The following CAMSAP2 variants were observed in gnomAD, a reference collection of about 807,000 sequenced individuals.
CAMSAP2 encodes the protein calmodulin-regulated spectrin-associated protein 2.
A neutral mutation model predicts 146.1 loss-of-function variants in CAMSAP2; 26 were observed. The observed-to-expected ratio is 0.18, with a 90% CI of 0.13 to 0.25. CAMSAP2 has a LOEUF of 0.25. CAMSAP2 is among the 10% of genes least tolerant of loss of function. CAMSAP2 has a pLI of 1.00. For missense variants in CAMSAP2, 1,381 were observed against 1,759.3 expected, an observed-to-expected ratio of 0.78 and a Z score of 3.85; for synonymous variants, 499 against 596.6, an observed-to-expected ratio of 0.84 and a Z score of 2.38.
intron 13 of CAMSAP2, among the ~76,000 whole-genome samples, chr1:200,854,083 G>C (rs1667690025): frequency 6.6e-6 from 1 of 152,128 alleles, no homozygotes; most frequent in South Asian, 2.1e-4. Context: ...GGGTTCAGGT[G>C]ATCCTCCCAC....
chr1:200,857,962 C>T lies in CAMSAP2; in HGVS notation c.4340C>T (p.Thr1447Ile). ...RKQFSHIPAK[T>I]LSASVDAITI... is the part of the protein sequence containing the mutation. ...CAGTTTAGCCACATACCCGCTAAAACTTTATCTGCCAGTGTTGATGCAATT... is the reference window on the plus strand; with the variant it reads ...CAGTTTAGCCACATACCCGCTAAAATTTTATCTGCCAGTGTTGATGCAATT... Residue 1447 changes from threonine to isoleucine, a missense_variant, in exon 17 of 17, where the codon ACT becomes ATT. Physicochemically the swap from Thr to Ile is moderately conservative, Grantham distance 89 (BLOSUM62 -1). This residue lies in a region of CAMSAP2 where 90 missense variants were observed against 174.4 expected (regional missense o/e 0.52). Transcript: ENST00000358823. The surrounding 1 kb of genome is among the most constrained non-coding windows in gnomAD (Gnocchi z 4.7). The T allele has an allele frequency of 6.2e-7, 1 of 1,613,878 alleles. No individual in the cohort carries two copies. Among genetic ancestry groups the T allele is most frequent in the Non-Finnish European group, 8.5e-7 (1 of 1,179,824 alleles).
chr1:200,768,202 A>G (rs901149950), intron 2 of CAMSAP2, among the ~76,000 whole-genome samples: 5 of 152,228 alleles, frequency 3.3e-5, no homozygotes, highest in African/African-American at 1.2e-4. Context: ...ACTCTGTACT[A>G]CACTTCAACT....
chr1:200,814,143 T>TGGGCGGGGGGGAGGGGA (rs1666412988), intron 3 of CAMSAP2, among the ~76,000 whole-genome samples: 2 of 8,616 alleles, frequency 2.3e-4, no homozygotes, highest in East Asian at 5.4e-3. Flanking sequence ...GGGGGAGGGG[T>TGGGCGGGGGGGAGGGGA]GGGCGGGTGG....
chr1:200,791,186 C>T (rs1412755358), intron 2 of CAMSAP2, among the ~76,000 whole-genome samples: 3 of 152,166 alleles, frequency 2.0e-5, no homozygotes, highest in Non-Finnish European at 2.9e-5. Flanking sequence ...GAGTAAGATG[C>T]ATTCTGTGTC....
chr1:200,817,179 C>T (rs1380878220), intron 4 of CAMSAP2, among the ~76,000 whole-genome samples: 99 of 61,092 alleles, frequency 1.6e-3, no homozygotes, highest in African/African-American at 8.5e-3. Flanking sequence ...TGTGTATATA[C>T]ACACACACAC....
chr1:200,745,571 T>C (rs1041202269), intron 1 of CAMSAP2, among the ~76,000 whole-genome samples: 6 of 152,168 alleles, frequency 3.9e-5, no homozygotes, highest in Admixed American at 2.0e-4. Flanking sequence ...TTGTAAGAGG[T>C]GGAAACAAAA....
chr1:200,854,754 T>C (rs1667706297), intron 13 of CAMSAP2, 63 bp from the exon 14 acceptor site: 2 of 1,237,442 alleles, frequency 1.6e-6, no homozygotes, highest in Admixed American at 2.0e-5. Flanking sequence ...CTTTGCTAGT[T>C]GCTCCTTTTA....
intron 3 of CAMSAP2, among the ~76,000 whole-genome samples, chr1:200,813,427 C>A (rs1353964435): frequency 6.6e-6 from 1 of 152,206 alleles, no homozygotes; most frequent in Non-Finnish European, 1.5e-5. Flanking sequence ...TCTTCCTGCT[C>A]CCATTATTTT....
intron 9 of CAMSAP2, 33 bp from the exon 10 acceptor site, chr1:200,847,607 A>T (rs1328764373): frequency 6.4e-7 from 1 of 1,560,570 alleles, no homozygotes; most frequent in South Asian, 1.1e-5. Flanking sequence ...TTTTTACATG[A>T]TTTCAATGGC....
chr1:200,814,483 G>GC (rs1289544582), intron 3 of CAMSAP2, among the ~76,000 whole-genome samples: 1 of 151,582 alleles, frequency 6.6e-6, no homozygotes, highest in Non-Finnish European at 1.5e-5. Flanking sequence ...GATGGCGGGC[G>GC]CCTGTAATCC....
At chr1:200,757,688 C>T (rs556559671) in intron 1 of CAMSAP2, among the ~76,000 whole-genome samples, 1 of 152,044 alleles carries the variant, frequency 6.6e-6, no homozygotes, top group African/African-American at 2.4e-5. Flanking sequence ...GAAGTCTTCT[C>T]TTAAGTATAT....
intron 4 of CAMSAP2, among the ~76,000 whole-genome samples, chr1:200,831,630 G>GTTTT (rs546429195): frequency 1.4e-5 from 2 of 139,406 alleles, no homozygotes; most frequent in African/African-American, 5.2e-5. Flanking sequence ...AGTTGGAAGG[G>GTTTT]TTTTTTTTTT....
In CAMSAP2 at chr1:200,854,897, T is replaced by A; in HGVS notation, c.3896+8T>A. On this transcript the variant is annotated splice_region_variant and intron_variant, in intron 14 of 16. Transcript: ENST00000358823. ...AGGCAAGAGGACGCCAAGGTAAATCTATAACGTATGAATATTTTTACAGAA... is the reference window on the plus strand; with the variant it reads ...AGGCAAGAGGACGCCAAGGTAAATCAATAACGTATGAATATTTTTACAGAA... 1 of 1,594,034 alleles carries A rather than the reference T, an allele frequency of 6.3e-7. No homozygotes were observed. The highest frequency in any genetic ancestry group is 8.6e-7 in the Non-Finnish European group (1 of 1,166,086).
chr1:200,743,091 G>A (rs547330048), intron 1 of CAMSAP2, among the ~76,000 whole-genome samples: 4 of 152,322 alleles, frequency 2.6e-5, no homozygotes, highest in Non-Finnish European at 5.9e-5. Context: ...AAAGGAGGAA[G>A]TAGTTCAACT....
chr1:200,831,830 G>A (rs1667051610), intron 4 of CAMSAP2, among the ~76,000 whole-genome samples: 1 of 151,846 alleles, frequency 6.6e-6, no homozygotes, highest in Non-Finnish European at 1.5e-5. Context: ...AGAATTTTCA[G>A]TTTAAATTAA....
In CAMSAP2 at chr1:200,828,437, A is replaced by G. The variant is rs549020457; in HGVS notation, c.646-3763A>G. 7 of 753,586 alleles carry G rather than the reference A, an allele frequency of 9.3e-6. No individual in the cohort carries two copies. In the Admixed American group the frequency reaches 1.7e-4, roughly 18 times the overall value. 46.7% of individuals were successfully genotyped at this position (753,586 alleles called of 1,614,324 possible). A position where few individuals can be genotyped will look rare whatever the true frequency, so the allele number is the denominator to read the frequency against. On this transcript the variant is annotated intron_variant, in intron 4 of 16. Coordinates refer to ENST00000358823, the MANE Select transcript of CAMSAP2 (RefSeq NM_203459.4). ...TTTTAACTAAAATATTTATTAACAT[A>G]TGAAATGTTATGAGAACTATAAACT...
In CAMSAP2 at chr1:200,848,241, A is replaced by G; in HGVS notation, c.1472A>G (p.Asn491Ser). 6.2e-7 allele frequency: 1 copy of G among 1,613,674 alleles called. No individual in the cohort carries two copies. The highest frequency in any genetic ancestry group is 8.5e-7 in the Non-Finnish European group (1 of 1,179,766). The change falls in exon 11 of 17, where the codon AAT becomes AGT. Residue 491 changes from asparagine (N) to serine (S), a missense_variant. Physicochemically the swap from Asn to Ser is conservative, Grantham distance 46 (BLOSUM62 1). Transcript: ENST00000358823. ...EEAESIEEEL[N>S]IDSHSDLKSC... is the part of the protein sequence containing the mutation. ...GCAGAGAGCATTGAAGAAGAACTTAATATAGATTCTCACAGTGACCTCAAA... is the reference window on the plus strand; with the variant it reads ...GCAGAGAGCATTGAAGAAGAACTTAGTATAGATTCTCACAGTGACCTCAAA...
intron 2 of CAMSAP2, among the ~76,000 whole-genome samples, chr1:200,796,349 G>A (rs958760936): frequency 2.0e-5 from 3 of 152,112 alleles, no homozygotes; most frequent in Middle Eastern, 3.2e-3. Flanking sequence ...TACCAGTACC[G>A]TATTGTGTTG....
At chr1:200,799,079 A>T (rs1431862144) in intron 2 of CAMSAP2, among the ~76,000 whole-genome samples, 1 of 152,136 alleles carries the variant, frequency 6.6e-6, no homozygotes, top group Non-Finnish European at 1.5e-5. Flanking sequence ...CCAGTGTTTT[A>T]TTGAGGGTTT....
Sources: gnomAD v4.1 joint callset for allele counts (sites outside exome capture counted in the v4.1 genomes callset) on GRCh38, gnomAD v4.1.1 for gene constraint, gnomAD v4.1.1 regional missense constraint, Gnocchi (gnomAD v3.1) non-coding constraint, MANE v1.5 for transcripts, NCBI Gene and HGNC (gene_info 2026-07-23, HGNC 2026-07-21) for gene names.